Variants in CTNNA3 observed in about 807,000 individuals in gnomAD.
The protein encoded by CTNNA3 is catenin alpha-3.
Under a neutral mutation model 95.7 loss-of-function variants are expected in CTNNA3, and 76 were observed. The ratio of observed to expected loss-of-function variants is 0.79; its 90% CI spans 0.66 to 0.96. CTNNA3 has a LOEUF of 0.96. Among genes scored for constraint, CTNNA3 ranks in the 40% least tolerant of loss-of-function variants. The pLI, the probability that CTNNA3 is intolerant of heterozygous loss-of-function variation, is 0.00. For missense variants in CTNNA3, 1,191 were observed against 1,089.8 expected (o/e 1.09, Z -1.31); for synonymous variants, 431 against 374.4 (o/e 1.15, Z -1.74).
At chr10:66,101,419 A>C (rs1284265582) in intron 14 of CTNNA3, among the ~76,000 whole-genome samples, 1 of 152,210 alleles carries the variant, frequency 6.6e-6, no homozygotes, top group Non-Finnish European at 1.5e-5. Flanking sequence ...TATTCCTATT[A>C]CCAAAATTTG....
At chr10:67,470,050 C>A (rs967275362) in intron 5 of CTNNA3, among the ~76,000 whole-genome samples, 46 of 152,132 alleles carry the variant, frequency 3.0e-4, no homozygotes, top group African/African-American at 9.4e-4. Flanking sequence ...TTCTTTCTAA[C>A]TAACTTTTTG....
chr10:67,150,455 G>A lies in CTNNA3; in HGVS notation c.1047+29862C>T, dbSNP rs117195898. Among the ~76,000 whole-genome samples, 38 of 152,220 alleles carry A rather than the reference G, an allele frequency of 2.5e-4. No individual in the cohort carries two copies. In the East Asian group the frequency reaches 7.1e-3, roughly 29 times the overall value. ...AATACCAAGTAGTTTATTTGTTTGA[G>A]GAACAAAATATTCATCTCCACTTTA... On this transcript the variant is annotated intron_variant, in intron 7 of 17. Coordinates refer to ENST00000433211, the MANE Select transcript of CTNNA3 (RefSeq NM_013266.4).
chr10:67,567,429 C>T (rs1451398968), intron 3 of CTNNA3, among the ~76,000 whole-genome samples: 1 of 151,894 alleles, frequency 6.6e-6, no homozygotes, highest in African/African-American at 2.4e-5. Flanking sequence ...ATAATGGAGA[C>T]TTGGAAGGGT....
intron 15 of CTNNA3, among the ~76,000 whole-genome samples, chr10:65,995,471 C>A (rs538506917): frequency 1.3e-5 from 2 of 152,104 alleles, no homozygotes; most frequent in Admixed American, 6.5e-5. Context: ...GCTGTTAGTG[C>A]AGGCTGTGGT....
At chr10:67,545,253 T>C (rs1358081321) in intron 3 of CTNNA3, among the ~76,000 whole-genome samples, 1 of 152,156 alleles carries the variant, frequency 6.6e-6, no homozygotes. Context: ...AGATAGGATA[T>C]AGTAGAAGCT....
chr10:66,780,416 T>G (rs896248819), intron 7 of CTNNA3, among the ~76,000 whole-genome samples: 1 of 148,006 alleles, frequency 6.8e-6, no homozygotes, highest in Non-Finnish European at 1.5e-5. Context: ...TAGAGTAACC[T>G]GGGTAGGAGG....
chr10:66,238,093 A>C lies in CTNNA3; in HGVS notation c.1884+42377T>G, dbSNP rs532733082. ...TAAAAGATAGATTTATCTATTAATT[A>C]ATTACATTTTATTTCAAATCCAAAA... On this transcript the variant is annotated intron_variant, in intron 13 of 17. Transcript: ENST00000433211. Among the ~76,000 whole-genome samples, 5 of 152,218 alleles carry C rather than the reference A, an allele frequency of 3.3e-5. No homozygotes were observed. The East Asian group carries it at 7.7e-4, about 23-fold the overall frequency.
intron 12 of CTNNA3, among the ~76,000 whole-genome samples, chr10:66,361,313 C>CGCCCCTCCCCTTCCTCCCT (rs1564897929): frequency 1.4e-5 from 2 of 144,610 alleles, no homozygotes; most frequent in Non-Finnish European, 3.1e-5. Flanking sequence ...CTCCCCTCCC[C>CGCCCCTCCCCTTCCTCCCT]GCCCCTCCCC....
At chr10:66,452,765 C>T (rs1278175516) in intron 11 of CTNNA3, among the ~76,000 whole-genome samples, 2 of 152,070 alleles carry the variant, frequency 1.3e-5, no homozygotes, top group African/African-American at 4.8e-5. Flanking sequence ...CCAGGTGGTG[C>T]CACCCAGACT....
intron 7 of CTNNA3, among the ~76,000 whole-genome samples, chr10:67,003,862 C>T (rs1039348014): frequency 1.3e-5 from 2 of 152,178 alleles, no homozygotes; most frequent in African/African-American, 4.8e-5. Flanking sequence ...ATTTGCAATG[C>T]ATCAGCCAAA....
intron 5 of CTNNA3, among the ~76,000 whole-genome samples, chr10:67,479,532 T>TA (rs1168364035): frequency 1.3e-5 from 2 of 152,102 alleles, no homozygotes; most frequent in East Asian, 3.9e-4. Flanking sequence ...AAGGCAGAAG[T>TA]AAAAAAATTA....
chr10:67,027,602 CT>C (rs1853473249), intron 7 of CTNNA3, among the ~76,000 whole-genome samples: 1 of 151,648 alleles, frequency 6.6e-6, no homozygotes, highest in Middle Eastern at 3.2e-3. Flanking sequence ...GCCCAGCTAA[CT>C]TTTTTGTATT....
At chr10:67,738,046 T>C (rs938745108) in intron 1 of CTNNA3, among the ~76,000 whole-genome samples, 4 of 152,184 alleles carry the variant, frequency 2.6e-5, no homozygotes, top group Non-Finnish European at 5.9e-5. Context: ...CTGGTGATAC[T>C]TCCAGGTATG....
intron 3 of CTNNA3, among the ~76,000 whole-genome samples, chr10:67,606,236 A>G (rs1348329799): frequency 2.0e-5 from 3 of 152,234 alleles, no homozygotes; most frequent in East Asian, 1.9e-4. Flanking sequence ...AATATTCAGC[A>G]ATTATTTTAA....
chr10:66,195,701 A>G (rs2086920511), intron 13 of CTNNA3, among the ~76,000 whole-genome samples: 1 of 151,774 alleles, frequency 6.6e-6, no homozygotes, highest in South Asian at 2.1e-4. Flanking sequence ...GTAAGTCTCT[A>G]TGCTGCTTAA....
intron 15 of CTNNA3, among the ~76,000 whole-genome samples, chr10:66,019,144 A>G (rs2079151282): frequency 6.6e-6 from 1 of 152,148 alleles, no homozygotes. Flanking sequence ...CATAATTAAC[A>G]ATTACCACAG....
chr10:66,941,588 G>A (rs943463872), intron 7 of CTNNA3, among the ~76,000 whole-genome samples: 1 of 152,068 alleles, frequency 6.6e-6, no homozygotes, highest in African/African-American at 2.4e-5. Flanking sequence ...AAAAATCAAA[G>A]GCCATAAAAG....
At chr10:66,153,502 A>G (rs2084314404) in intron 13 of CTNNA3, among the ~76,000 whole-genome samples, 1 of 151,920 alleles carries the variant, frequency 6.6e-6, no homozygotes, top group Non-Finnish European at 1.5e-5. Flanking sequence ...TTGTTCTTTT[A>G]GCCTTAGCTG....
At chr10:66,982,411 C>T (rs1007029301) in intron 7 of CTNNA3, among the ~76,000 whole-genome samples, 1 of 152,120 alleles carries the variant, frequency 6.6e-6, no homozygotes, top group African/African-American at 2.4e-5. Context: ...AGTTTTTTCA[C>T]CTCTAACCAA....
Sources: gnomAD v4.1 joint callset for allele counts (sites outside exome capture counted in the v4.1 genomes callset) on GRCh38, gnomAD v4.1.1 for gene constraint, MANE v1.5 for transcripts, NCBI Gene and HGNC (gene_info 2026-07-23, HGNC 2026-07-21) for gene names.